The following DSCAM variants were observed in gnomAD, a reference collection of about 807,000 sequenced individuals.
DSCAM encodes the protein cell adhesion molecule DSCAM.
DSCAM carries 47 observed loss-of-function variants against 217.7 expected under a neutral mutation model. The observed-to-expected ratio is 0.22, with a 90% CI of 0.17 to 0.28. The LOEUF is 0.28. Among genes scored for constraint, DSCAM ranks in the 10% least tolerant of loss-of-function variants. The pLI is 1.00. For synonymous variants in DSCAM, 1,056 were observed against 1,015.3 expected (o/e 1.04, Z -0.76); for missense variants, 2,080 against 2,618.3 (o/e 0.79, Z 4.49).
At chr21:40,530,651 T>C (rs1460438084) in intron 3 of DSCAM, among the ~76,000 whole-genome samples, 4 of 152,194 alleles carry the variant, frequency 2.6e-5, no homozygotes, top group African/African-American at 9.7e-5. Flanking sequence ...TCCTCTCACT[T>C]GGAAATCCCA....
chr21:40,071,794 G>GT (rs1356176627), intron 27 of DSCAM, among the ~76,000 whole-genome samples: 2 of 152,184 alleles, frequency 1.3e-5, no homozygotes, highest in Non-Finnish European at 2.9e-5. Flanking sequence ...GGGTTCGCTT[G>GT]TTATTGGGTG....
At chr21:40,200,756 T>A (rs1435832393) in intron 11 of DSCAM, among the ~76,000 whole-genome samples, 10 of 152,174 alleles carry the variant, frequency 6.6e-5, no homozygotes, top group South Asian at 6.2e-4. Flanking sequence ...TCCTCATCTG[T>A]AAGAACAATG....
chr21:40,183,236 G>T (rs545921895), intron 14 of DSCAM, among the ~76,000 whole-genome samples: 1 of 152,210 alleles, frequency 6.6e-6, no homozygotes, highest in Non-Finnish European at 1.5e-5. Context: ...AACTGCAGAC[G>T]AATCTGCTGG....
intron 1 of DSCAM, among the ~76,000 whole-genome samples, chr21:40,767,041 AC>A (rs1382866387): frequency 6.6e-6 from 1 of 152,180 alleles, no homozygotes; most frequent in African/African-American, 2.4e-5. Flanking sequence ...TACTTGCTTT[AC>A]AGGAAATACG....
chr21:40,149,957 T>A (rs775799297), intron 16 of DSCAM, among the ~76,000 whole-genome samples: 3 of 152,100 alleles, frequency 2.0e-5, no homozygotes, highest in Non-Finnish European at 2.9e-5. Context: ...CATCCATCAT[T>A]CCATTACTAT....
chr21:40,243,243 T>C (rs377638884), intron 11 of DSCAM, among the ~76,000 whole-genome samples: 1 of 152,146 alleles, frequency 6.6e-6, no homozygotes, highest in African/African-American at 2.4e-5. Flanking sequence ...AGATGTACAA[T>C]CATAAAGAAA....
intron 4 of DSCAM, among the ~76,000 whole-genome samples, chr21:40,367,066 T>G (rs2074840786): frequency 6.6e-6 from 1 of 152,188 alleles, no homozygotes; most frequent in South Asian, 2.1e-4. Context: ...TGCTGAGTAC[T>G]TCCACTATCT....
At chr21:40,597,232 A>T (rs1224282861) in intron 3 of DSCAM, among the ~76,000 whole-genome samples, 1 of 152,186 alleles carries the variant, frequency 6.6e-6, no homozygotes, top group African/African-American at 2.4e-5. Context: ...GCCTGACTGG[A>T]GGGCACTGCT....
intron 3 of DSCAM, among the ~76,000 whole-genome samples, chr21:40,522,279 C>G (rs1019554481): frequency 6.6e-6 from 1 of 152,148 alleles, no homozygotes; most frequent in African/African-American, 2.4e-5. Context: ...GCTAAGCAAA[C>G]AAAGCCCATT....
intron 3 of DSCAM, among the ~76,000 whole-genome samples, chr21:40,427,677 T>G (rs2075488495): frequency 6.6e-6 from 1 of 152,214 alleles, no homozygotes; most frequent in Non-Finnish European, 1.5e-5. Context: ...AGGGAGAGGA[T>G]AAGCTGCCCC....
At chr21:40,696,865 G>A (rs192346328) in intron 2 of DSCAM, among the ~76,000 whole-genome samples, 25 of 152,172 alleles carry the variant, frequency 1.6e-4, no homozygotes, top group African/African-American at 4.3e-4. Context: ...CATAAAATCA[G>A]GGTAATTGGA....
intron 20 of DSCAM, among the ~76,000 whole-genome samples, chr21:40,108,486 C>A (rs549763248): frequency 8.5e-5 from 13 of 152,266 alleles, no homozygotes; most frequent in African/African-American, 3.1e-4. Context: ...CAAACTACTG[C>A]TCAAAGAAAT....
At chr21:40,151,479 C>T (rs2090422355) in intron 16 of DSCAM, among the ~76,000 whole-genome samples, 1 of 152,202 alleles carries the variant, frequency 6.6e-6, no homozygotes, top group African/African-American at 2.4e-5. Context: ...TGAAATCTCA[C>T]TTGTTATTTC....
intron 1 of DSCAM, among the ~76,000 whole-genome samples, chr21:40,823,490 G>A (rs1177582440): frequency 6.6e-6 from 1 of 152,006 alleles, no homozygotes; most frequent in Admixed American, 6.6e-5. Flanking sequence ...ATGAATGAGG[G>A]AAAATGGATA....
chr21:40,151,260 C>T (rs2090420487), intron 16 of DSCAM, among the ~76,000 whole-genome samples: 1 of 152,096 alleles, frequency 6.6e-6, no homozygotes, highest in Non-Finnish European at 1.5e-5. Flanking sequence ...TCAAAGAATA[C>T]CCCCACTACT....
At chr21:40,570,106 A>G (rs1055579199) in intron 3 of DSCAM, among the ~76,000 whole-genome samples, 4 of 152,198 alleles carry the variant, frequency 2.6e-5, no homozygotes, top group African/African-American at 7.2e-5. Context: ...AAAGTCAAGA[A>G]CAGGTCTAGA....
chr21:40,152,358 C>A (rs754847483), intron 16 of DSCAM, among the ~76,000 whole-genome samples: 54 of 152,360 alleles, frequency 3.5e-4, no homozygotes, highest in Non-Finnish European at 6.5e-4. Context: ...GTCATGCCTG[C>A]TCCTTGTTAG....
At chr21:40,455,666 G>T (rs2075757474) in intron 3 of DSCAM, among the ~76,000 whole-genome samples, 1 of 152,170 alleles carries the variant, frequency 6.6e-6, no homozygotes, top group Non-Finnish European at 1.5e-5. Flanking sequence ...CTACTGGGGA[G>T]GCTGAGGCAG....
intron 19 of DSCAM, among the ~76,000 whole-genome samples, chr21:40,124,845 AT>A (rs1472270224): frequency 1.3e-5 from 2 of 152,182 alleles, no homozygotes; most frequent in Non-Finnish European, 2.9e-5. Context: ...CTAGGACCTA[AT>A]ACAGTCAGTT....
Sources: allele counts gnomAD v4.1 joint callset (sites outside exome capture counted in the v4.1 genomes callset), GRCh38; gene constraint gnomAD v4.1.1; transcripts MANE v1.5; gene names NCBI Gene and HGNC (gene_info 2026-07-23, HGNC 2026-07-21).